The following MYBPC1 variants were observed in gnomAD, a reference collection of about 807,000 sequenced individuals.
The protein encoded by MYBPC1 is myosin-binding protein C, slow-type.
MYBPC1 carries 52 observed loss-of-function variants against 147.1 expected under a neutral mutation model. That is an observed-to-expected ratio of 0.35 (90% CI 0.28 to 0.45). The LOEUF (loss-of-function observed/expected upper bound fraction) is 0.45. Ranked by LOEUF, MYBPC1 falls within the 20% of genes least tolerant of loss-of-function variation. The pLI is 1.00. For synonymous variants in MYBPC1, 477 were observed against 475.9 expected (o/e 1.00, Z -0.03); for missense variants, 1,228 against 1,440.3 (o/e 0.85, Z 2.39).
In MYBPC1 at chr12:101,634,611, T is replaced by C. The variant is rs753703767; in HGVS notation, c.608+6T>C. On this transcript the variant is annotated splice_donor_region_variant and intron_variant, in intron 9 of 31. Coordinates refer to ENST00000361466, the MANE Select transcript of MYBPC1 (RefSeq NM_002465.4). The stretch of plus-strand genomic sequence containing the variant: ...AGATCTGCTTTCAAGAGAAGGTAAC[T>C]CCAAAAGAAAAATCTAGATAGCTTT... 30 of 1,608,306 alleles carry C rather than the reference T, an allele frequency of 1.9e-5. No homozygotes were observed. The Admixed American group carries it at 4.8e-4, about 26-fold the overall frequency.
At chr12:101,600,742 T>C (rs368522275) in intron 1 of MYBPC1, among the ~76,000 whole-genome samples, 1 of 152,216 alleles carries the variant, frequency 6.6e-6, no homozygotes, top group South Asian at 2.1e-4. Flanking sequence ...TTAATTAGTC[T>C]ATGAAAACTA....
intron 1 of MYBPC1, among the ~76,000 whole-genome samples, chr12:101,598,239 C>G (rs894842124): frequency 6.6e-6 from 1 of 152,050 alleles, no homozygotes; most frequent in Non-Finnish European, 1.5e-5. Flanking sequence ...AGGCTGGTCT[C>G]GAACCGCTGA....
At chr12:101,636,860 T>C (rs1565934304) in intron 10 of MYBPC1, 132 bp downstream of exon 10, 10 of 741,494 alleles carry the variant, frequency 1.3e-5, no homozygotes, top group Non-Finnish European at 2.1e-5. Context: ...GCTTATAGAA[T>C]ATAACAGAGT....
intron 28 of MYBPC1, 65 bp downstream of exon 28, chr12:101,678,303 G>A (rs111945545): frequency 7.5e-6 from 12 of 1,591,654 alleles, no homozygotes; most frequent in Admixed American, 3.3e-5. Flanking sequence ...TATAATGTAA[G>A]TAACAATGTA....
chr12:101,621,770 T>C (rs1887456036), intron 3 of MYBPC1, among the ~76,000 whole-genome samples: 1 of 152,074 alleles, frequency 6.6e-6, no homozygotes, highest in Admixed American at 6.6e-5. Context: ...GTTTGGATAA[T>C]TATAAGAATG....
chr12:101,612,799 AC>A (rs1884757775), intron 1 of MYBPC1, among the ~76,000 whole-genome samples: 1 of 152,232 alleles, frequency 6.6e-6, no homozygotes, highest in Non-Finnish European at 1.5e-5. Flanking sequence ...AGCCAAGAGG[AC>A]AATATTAGAT....
intron 22 of MYBPC1, chr12:101,666,621 T>C: frequency 1.0e-6 from 1 of 991,026 alleles, no homozygotes; most frequent in Non-Finnish European, 1.6e-6. Flanking sequence ...GTCACTGCTC[T>C]GAGGACAAAT....
intron 20 of MYBPC1, 112 bp from the exon 21 acceptor site, chr12:101,662,246 A>C: frequency 9.2e-6 from 8 of 866,670 alleles, no homozygotes; most frequent in South Asian, 3.0e-5. Context: ...ATATATGACT[A>C]TTTCACATAG....
At chr12:101,671,310 T>TAA in intron 24 of MYBPC1, among the ~76,000 whole-genome samples, 1 of 105,444 alleles carries the variant, frequency 9.5e-6, no homozygotes, top group South Asian at 2.8e-4. Flanking sequence ...GACACTCATA[T>TAA]ACACACACAC....
intron 31 of MYBPC1, among the ~76,000 whole-genome samples, chr12:101,685,147 G>A (rs79356314): frequency 0.04 from 6,142 of 152,102 alleles, 196 homozygotes; most frequent in South Asian, 0.14. Context: ...TGCTTGAATC[G>A]AAACTCTCTG....
chr12:101,675,421 A>G lies in MYBPC1; in HGVS notation c.2939A>G (p.Lys980Arg). Residue 980 changes from lysine (K) to arginine (R), a missense_variant, in exon 26 of 32, where the codon AAG becomes AGG. Physicochemically the swap from Lys to Arg is conservative, Grantham distance 26. This residue lies in a region of MYBPC1 where 1,077 missense variants were observed against 1,314.2 expected (regional missense o/e 0.82). Transcript: ENST00000361466. ...ITGYTIQKAD[K>R]KSMEWFTVIE... is the part of the protein sequence containing the mutation. ...GGCTATACCATTCAGAAGGCTGACA[A>G]GAAGAGCATGGTAAGGTCTGGCTTT... The G allele has an allele frequency of 1.9e-6, 3 of 1,614,184 alleles. No individual in the cohort carries two copies. The highest frequency in any genetic ancestry group is 2.5e-6 in the Non-Finnish European group (3 of 1,180,004).
At chr12:101,602,289 A>C (rs1447623024) in intron 1 of MYBPC1, among the ~76,000 whole-genome samples, 1 of 152,154 alleles carries the variant, frequency 6.6e-6, no homozygotes, top group Non-Finnish European at 1.5e-5. Flanking sequence ...ATCTCGGCTC[A>C]CTGCAACCTT....
chr12:101,688,894 A>G (rs191707852), downstream of MYBPC1, among the ~76,000 whole-genome samples: 159 of 150,436 alleles, frequency 1.1e-3, 2 homozygotes, highest in Admixed American at 0.01. Context: ...TGGAGATTGC[A>G]ATGAGCTGAG....
At chr12:101,663,267 C>G (rs999935036) in intron 21 of MYBPC1, among the ~76,000 whole-genome samples, 159 bp from the exon 22 acceptor site, 6 of 152,140 alleles carry the variant, frequency 3.9e-5, no homozygotes, top group Admixed American at 6.5e-5. Flanking sequence ...AGCTCTTTGC[C>G]TTACACACAT....
chr12:101,663,477 C>A lies in MYBPC1; in HGVS notation c.2273C>A (p.Thr758Asn), dbSNP rs1896924078. Residue 758 changes from threonine to asparagine, a missense_variant, in exon 22 of 32, where the codon ACT (threonine) becomes AAT (asparagine). By Grantham distance (65) the Thr-to-Asn change is moderately conservative. This residue lies in a region of MYBPC1 where 1,077 missense variants were observed against 1,314.2 expected (regional missense o/e 0.82). Coordinates refer to ENST00000361466, the MANE Select transcript of MYBPC1 (RefSeq NM_002465.4). ...LLTVDSVTDT[T>N]VTMRWRPPDH... ...ACTGTGGACTCTGTCACTGACACGA[C>A]TGTCACGATGAGGTGGCGCCCCCCA... is the stretch of plus-strand genomic sequence containing the variant. 3 of 1,614,012 alleles carry A rather than the reference C, an allele frequency of 1.9e-6. No individual in the cohort carries two copies. The highest frequency in any genetic ancestry group is 2.5e-6 in the Non-Finnish European group (3 of 1,179,882).
chr12:101,612,560 G>T (rs1457294815), intron 1 of MYBPC1, among the ~76,000 whole-genome samples: 2 of 152,098 alleles, frequency 1.3e-5, no homozygotes, highest in Admixed American at 6.6e-5. Context: ...AATAATAATA[G>T]AAATACTTTC....
chr12:101,661,384 A>G, intron 20 of MYBPC1, 122 bp downstream of exon 20: 1 of 682,520 alleles, frequency 1.5e-6, no homozygotes, highest in East Asian at 2.8e-5. Context: ...CTGTGACTTT[A>G]TGCATTCAAA....
chr12:101,635,193 G>T (rs1254440420), intron 9 of MYBPC1, among the ~76,000 whole-genome samples: 1 of 152,088 alleles, frequency 6.6e-6, no homozygotes, highest in African/African-American at 2.4e-5. Flanking sequence ...ATGGAGGGGG[G>T]GCGGTCAAGG....
intron 8 of MYBPC1, among the ~76,000 whole-genome samples, chr12:101,634,025 T>C (rs1890495803): frequency 6.6e-6 from 1 of 151,494 alleles, no homozygotes; most frequent in Non-Finnish European, 1.5e-5. Flanking sequence ...GCCTCCCGAG[T>C]AGCTGGGACT....
Sources: gnomAD v4.1 joint callset for allele counts (sites outside exome capture counted in the v4.1 genomes callset) on GRCh38, gnomAD v4.1.1 for gene constraint, gnomAD v4.1.1 regional missense constraint, MANE v1.5 for transcripts, NCBI Gene and HGNC (gene_info 2026-07-23, HGNC 2026-07-21) for gene names.